NRXN1: variants seen among roughly 807,000 people sequenced by gnomAD.
The protein encoded by NRXN1 is neurexin 1.
A neutral mutation model predicts 150.9 loss-of-function variants in NRXN1; 39 were observed. The observed-to-expected ratio is 0.26, with a 90% CI of 0.20 to 0.34. NRXN1 has a LOEUF of 0.34. Among genes scored for constraint, NRXN1 ranks in the 10% least tolerant of loss-of-function variants. The pLI is 1.00. For missense variants in NRXN1, 1,815 were observed against 1,949.9 expected (o/e 0.93, Z 1.30); for synonymous variants, 924 against 757.0 (o/e 1.22, Z -3.62).
chr2:50,627,435 C>A (rs73933008), intron 5 of NRXN1, among the ~76,000 whole-genome samples: 3,192 of 147,128 alleles, frequency 0.022, 103 homozygotes, highest in East Asian at 0.14. Context: ...TTTATATTGT[C>A]TGGCATTGCA....
At chr2:50,930,037 T>C (rs914749142) in intron 2 of NRXN1, among the ~76,000 whole-genome samples, 4 of 151,962 alleles carry the variant, frequency 2.6e-5, no homozygotes, top group African/African-American at 7.2e-5. Context: ...AGGAAAGAAA[T>C]GGTCCTGGAC....
chr2:50,218,633 A>C (rs1042635426), intron 18 of NRXN1, among the ~76,000 whole-genome samples: 1 of 151,910 alleles, frequency 6.6e-6, no homozygotes, highest in Non-Finnish European at 1.5e-5. Flanking sequence ...TCTAAGACAG[A>C]ATCTAAACTT....
At chr2:50,659,327 A>G (rs1402656051) in intron 5 of NRXN1, among the ~76,000 whole-genome samples, 2 of 152,084 alleles carry the variant, frequency 1.3e-5, no homozygotes, top group Non-Finnish European at 2.9e-5. Context: ...AATATATATG[A>G]AAACACGTTC....
intron 17 of NRXN1, among the ~76,000 whole-genome samples, chr2:50,270,678 T>G (rs1332060399): frequency 3.3e-5 from 5 of 151,784 alleles, no homozygotes; most frequent in Admixed American, 2.0e-4. Context: ...ATATAGTTTT[T>G]TTTTTTTTTT....
chr2:50,709,590 G>A (rs1694880466), intron 5 of NRXN1, among the ~76,000 whole-genome samples: 1 of 152,024 alleles, frequency 6.6e-6, no homozygotes, highest in African/African-American at 2.4e-5. Flanking sequence ...GCACCAAGAA[G>A]GATTTGGTTA....
At chr2:50,475,874 T>TA (rs11442987) in intron 15 of NRXN1, among the ~76,000 whole-genome samples, 77,291 of 148,226 alleles carry the variant, frequency 0.52, 20,192 homozygotes, top group Middle Eastern at 0.6. Context: ...GTGACGGGTT[T>TA]AAAAAAAAAA....
chr2:49,964,649 G>T (rs895587584), intron 21 of NRXN1, among the ~76,000 whole-genome samples: 4 of 151,826 alleles, frequency 2.6e-5, no homozygotes, highest in African/African-American at 9.7e-5. Flanking sequence ...AGACCAGCCT[G>T]GCCAACATGG....
intron 18 of NRXN1, among the ~76,000 whole-genome samples, chr2:50,215,442 T>A (rs2063329487): frequency 6.6e-6 from 1 of 152,038 alleles, no homozygotes; most frequent in Non-Finnish European, 1.5e-5. Context: ...GCTTCCTGTG[T>A]CTAACATTGT....
In NRXN1 at chr2:50,721,040, A is replaced by G. The variant is rs780025617; in HGVS notation, c.833-97425T>C. On this transcript the variant is annotated intron_variant, in intron 5 of 22. Coordinates refer to ENST00000401669, the MANE Select transcript of NRXN1 (RefSeq NM_001330078.2). ...TTGTTCATCTTTGAACCTCAAAAAT[A>G]TGGATTTATCCTGGAGCACTCAGAA... 1.3e-4 allele frequency among the ~76,000 whole-genome samples: 20 copies of G among 152,166 alleles called. 1 individual carries two copies. The highest frequency in any genetic ancestry group is 2.8e-4 in the Non-Finnish European group (19 of 68,022).
At chr2:51,026,733 T>G (rs768587551) in intron 2 of NRXN1, among the ~76,000 whole-genome samples, 2 of 152,202 alleles carry the variant, frequency 1.3e-5, no homozygotes, top group Admixed American at 1.3e-4. Context: ...GAAATCTTAT[T>G]TAATCTCTAA....
In NRXN1 at chr2:50,652,379, C is replaced by T. The variant is rs1685769236; in HGVS notation, c.833-28764G>A. ...ACCAAAAAGAAACTTTGTGCCCATT[C>T]GTAGTCATTCCCTCTTCCCACCCCC... On this transcript the variant is annotated intron_variant, in intron 5 of 22. Coordinates refer to ENST00000401669, the MANE Select transcript of NRXN1 (RefSeq NM_001330078.2). 1.3e-5 allele frequency among the ~76,000 whole-genome samples: 2 copies of T among 152,010 alleles called. 1 individual carries two copies. Among genetic ancestry groups the T allele is most frequent in the South Asian group, 4.1e-4 (2 of 4,828 alleles).
chr2:50,036,233 C>A (rs1690018643), intron 21 of NRXN1, among the ~76,000 whole-genome samples: 1 of 152,064 alleles, frequency 6.6e-6, no homozygotes, highest in African/African-American at 2.4e-5. Context: ...TGAGTTCTCA[C>A]AAGATATGAT....
chr2:50,314,045 G>A (rs903938112), intron 17 of NRXN1, among the ~76,000 whole-genome samples: 1 of 151,890 alleles, frequency 6.6e-6, no homozygotes, highest in African/African-American at 2.4e-5. Flanking sequence ...CGAGTATCTG[G>A]GAACCTCAAA....
intron 18 of NRXN1, among the ~76,000 whole-genome samples, chr2:50,119,063 G>A (rs142258477): frequency 1.3e-5 from 2 of 150,846 alleles, no homozygotes; most frequent in Non-Finnish European, 2.9e-5. Context: ...GATTCCTCAC[G>A]TCTCTGTAAG....
intron 2 of NRXN1, among the ~76,000 whole-genome samples, chr2:50,975,452 T>C (rs572323109): frequency 6.6e-5 from 10 of 152,114 alleles, no homozygotes; most frequent in Non-Finnish European, 1.2e-4. Context: ...CAAGGCAAAA[T>C]GCAAACTGGC....
chr2:50,729,631 T>A (rs549036432), intron 5 of NRXN1, among the ~76,000 whole-genome samples: 1 of 152,184 alleles, frequency 6.6e-6, no homozygotes, highest in Non-Finnish European at 1.5e-5. Context: ...CCTCAATGAT[T>A]TGCTCCACCT....
chr2:51,029,180 T>C lies in NRXN1; in HGVS notation c.-907A>G, dbSNP rs1438994928. ...CATTTTGGTTTTATCTTGTCTTTTT[T>C]AAGGACTCAGACATCTGCAGAGAAT... On this transcript the variant is annotated 5_prime_UTR_variant, in exon 2 of 23. Coordinates refer to ENST00000401669, the MANE Select transcript of NRXN1 (RefSeq NM_001330078.2). 6.6e-6 allele frequency: 1 copy of C among 152,246 alleles called. No homozygotes were observed. The highest frequency in any genetic ancestry group is 2.4e-5 in the African/African-American group (1 of 41,458). The allele number at this position is 152,246 out of a possible 1,614,324, so 9.4% of individuals were successfully genotyped here. A position where few individuals can be genotyped will look rare whatever the true frequency, so the allele number is the denominator to read the frequency against.
At chr2:50,776,036 A>C (rs979783762) in intron 5 of NRXN1, among the ~76,000 whole-genome samples, 16 of 152,142 alleles carry the variant, frequency 1.1e-4, no homozygotes, top group Non-Finnish European at 2.1e-4. Flanking sequence ...GTGGACCCAA[A>C]GCATAATGGG....
intron 8 of NRXN1, among the ~76,000 whole-genome samples, chr2:50,559,036 C>T (rs528252443): frequency 4.6e-5 from 7 of 152,172 alleles, no homozygotes; most frequent in East Asian, 1.9e-4. Context: ...GAGCCGAGAT[C>T]GCACCACTGC....
Sources: allele counts gnomAD v4.1 joint callset (sites outside exome capture counted in the v4.1 genomes callset), GRCh38; gene constraint gnomAD v4.1.1; transcripts MANE v1.5; gene names NCBI Gene and HGNC (gene_info 2026-07-23, HGNC 2026-07-21).